Variants in PTPRE observed in about 807,000 individuals in gnomAD.
PTPRE encodes protein tyrosine phosphatase receptor type E, also known as receptor-type tyrosine-protein phosphatase epsilon.
A neutral mutation model predicts 102.0 loss-of-function variants in PTPRE; 51 were observed. The ratio of observed to expected loss-of-function variants is 0.50; its 90% CI spans 0.40 to 0.63. The LOEUF (loss-of-function observed/expected upper bound fraction) is 0.63, where lower values mean the gene tolerates loss of function less well. Among genes scored for constraint, PTPRE ranks in the 30% least tolerant of loss-of-function variants. PTPRE has a pLI of 0.00. For missense variants in PTPRE, 752 were observed against 915.1 expected (o/e 0.82, Z 2.30); for synonymous variants, 345 against 348.2 (o/e 0.99, Z 0.10).
chr10:127,973,347 T>G (rs1362412840), intron 1 of PTPRE, among the ~76,000 whole-genome samples: 3 of 152,230 alleles, frequency 2.0e-5, no homozygotes, highest in Admixed American at 6.5e-5. Flanking sequence ...AATAGAGACA[T>G]GTAGCTTTTC....
At chr10:127,913,159 C>T (rs898268261) in intron 1 of PTPRE, among the ~76,000 whole-genome samples, 11 of 152,102 alleles carry the variant, frequency 7.2e-5, no homozygotes, top group East Asian at 1.9e-4. Flanking sequence ...GGAGGTGGTA[C>T]GCAGAGGCCT....
chr10:128,010,676 C>T (rs61873730), intron 2 of PTPRE, among the ~76,000 whole-genome samples: 4,151 of 152,010 alleles, frequency 0.027, 77 homozygotes, highest in Middle Eastern at 0.054. Flanking sequence ...ACTACAAGCT[C>T]CGCCTCCCGG....
At chr10:127,930,132 T>C (rs1383756290) in intron 1 of PTPRE, among the ~76,000 whole-genome samples, 8 of 151,710 alleles carry the variant, frequency 5.3e-5, no homozygotes, top group Non-Finnish European at 1.5e-5. Flanking sequence ...TTAAATTACA[T>C]GCTTGGAGTA....
chr10:127,953,742 C>T (rs1432445607), intron 1 of PTPRE, among the ~76,000 whole-genome samples: 2 of 152,174 alleles, frequency 1.3e-5, no homozygotes, highest in East Asian at 1.9e-4. Flanking sequence ...GTAGGCACCA[C>T]CAGGAAGTGG....
Position 128,072,137 on chromosome 10 carries a change from G to A in PTPRE, c.1388-1G>A. The A allele has an allele frequency of 6.2e-7, 1 of 1,613,452 alleles. No homozygotes were observed. On this transcript the variant is annotated splice_acceptor_variant, in intron 15 of 20. Coordinates refer to ENST00000254667, the MANE Select transcript of PTPRE (RefSeq NM_006504.6). LOFTEE classifies it high-confidence loss of function. ...AACTAAAGGAAGATAATGCTTTGCA[G>A]ATGACTTCAACCGAGTGATCCTTTC...
At chr10:128,042,319 C>T (rs1373506019) in intron 3 of PTPRE, among the ~76,000 whole-genome samples, 1 of 152,196 alleles carries the variant, frequency 6.6e-6, no homozygotes, top group Non-Finnish European at 1.5e-5. Context: ...CCTCGGGTGG[C>T]ACTGTGGGCA....
intron 1 of PTPRE, among the ~76,000 whole-genome samples, chr10:127,958,648 GTGT>G (rs753882546): frequency 6.5e-4 from 99 of 152,208 alleles, no homozygotes; most frequent in Non-Finnish European, 1.2e-3. Flanking sequence ...TTGGTCAATA[GTGT>G]TGTTGTTTTT....
At chr10:127,984,721 G>A (rs536769821) in intron 2 of PTPRE, among the ~76,000 whole-genome samples, 1 of 152,258 alleles carries the variant, frequency 6.6e-6, no homozygotes, top group East Asian at 1.9e-4. Context: ...GTTTTTTAAG[G>A]GGTTTCCACT....
At chr10:127,929,746 T>C (rs1259865547) in intron 1 of PTPRE, 1 of 152,140 alleles carries the variant, frequency 6.6e-6, no homozygotes, top group Non-Finnish European at 1.5e-5. Flanking sequence ...ATCCTACATA[T>C]CCTCTATGCC....
At chr10:128,032,628 G>A (rs537422441) in intron 2 of PTPRE, among the ~76,000 whole-genome samples, 149 of 152,368 alleles carry the variant, frequency 9.8e-4, no homozygotes, top group African/African-American at 3.3e-3. Context: ...GCCTCCCAGT[G>A]TGGCGGGAGG....
intron 2 of PTPRE, among the ~76,000 whole-genome samples, chr10:128,010,597 T>TTTTC (rs1181990210): frequency 9.9e-5 from 15 of 151,718 alleles, no homozygotes; most frequent in Non-Finnish European, 1.3e-4. Flanking sequence ...TTTTCTTTCC[T>TTTTC]TTTGAGATGG....
chr10:128,082,177 T>C (rs969780504), intron 20 of PTPRE, among the ~76,000 whole-genome samples: 1 of 149,840 alleles, frequency 6.7e-6, no homozygotes, highest in Non-Finnish European at 1.5e-5. Context: ...ATGTTAGTAC[T>C]CTGATTTTTT....
At chr10:128,010,979 C>G (rs1391867605) in intron 2 of PTPRE, among the ~76,000 whole-genome samples, 4 of 152,198 alleles carry the variant, frequency 2.6e-5, no homozygotes, top group Non-Finnish European at 5.9e-5. Context: ...ACCCGTCTTC[C>G]TGAATTGCCA....
At chr10:127,987,687 A>G (rs979105590) in intron 2 of PTPRE, among the ~76,000 whole-genome samples, 2 of 152,182 alleles carry the variant, frequency 1.3e-5, no homozygotes, top group Admixed American at 6.5e-5. Flanking sequence ...GACAGCCAAG[A>G]ATCCAAGGTG....
At position 128,072,381 on chromosome 10, in the gene PTPRE, G is replaced by C. The variant is rs962853414; in HGVS notation, c.1464+167G>C. On this transcript the variant is annotated intron_variant, in intron 16 of 20. Coordinates refer to ENST00000254667, the MANE Select transcript of PTPRE (RefSeq NM_006504.6). ...CTTAAAAAAAAAAGTGGCAAGGCAC[G>C]ATGGCTCACACCTGTAATCCCAACA... 8.0e-6 allele frequency: 5 copies of C among 622,248 alleles called. No individual in the cohort carries two copies. In the African/African-American group the frequency reaches 9.4e-5, roughly 12 times the overall value. 38.5% of individuals were successfully genotyped at this position (622,248 alleles called of 1,614,324 possible). A position where few individuals can be genotyped will look rare whatever the true frequency, so the allele number is the denominator to read the frequency against.
chr10:127,971,256 A>G (rs1023785473), intron 1 of PTPRE, among the ~76,000 whole-genome samples: 4 of 152,190 alleles, frequency 2.6e-5, no homozygotes, highest in East Asian at 1.9e-4. Context: ...TCACATCCCA[A>G]AAAGGACCCC....
intron 1 of PTPRE, among the ~76,000 whole-genome samples, chr10:127,933,151 C>G (rs1326539041): frequency 6.6e-6 from 1 of 152,150 alleles, no homozygotes; most frequent in African/African-American, 2.4e-5. Flanking sequence ...CAAACATAAT[C>G]CCATCTGCAA....
intron 8 of PTPRE, 109 bp from the exon 9 acceptor site, chr10:128,061,570 T>C: frequency 2.2e-6 from 3 of 1,375,534 alleles, no homozygotes; most frequent in Non-Finnish European, 2.9e-6. Context: ...TCCTGTGTTT[T>C]GCAAATTTTC....
chr10:128,042,796 G>C (rs1847815435), intron 3 of PTPRE, among the ~76,000 whole-genome samples: 1 of 152,212 alleles, frequency 6.6e-6, no homozygotes, highest in African/African-American at 2.4e-5. Flanking sequence ...AGAAGGAATT[G>C]AAGGTAAATG....
Sources: allele counts gnomAD v4.1 joint callset (sites outside exome capture counted in the v4.1 genomes callset), GRCh38; gene constraint gnomAD v4.1.1; transcripts MANE v1.5; gene names NCBI Gene and HGNC (gene_info 2026-07-23, HGNC 2026-07-21).